The following ERH variants were observed in gnomAD, a reference collection of about 807,000 sequenced individuals.
The protein encoded by ERH is ERH mRNA splicing and mitosis factor.
In ERH, 1 loss-of-function variant was observed where a neutral mutation model predicts 16.8. The ratio of observed to expected loss-of-function variants is 0.06; its 90% CI spans 0.02 to 0.28. ERH has a LOEUF of 0.28. Among genes scored for constraint, ERH ranks in the 10% least tolerant of loss-of-function variants. The pLI, the probability that ERH is intolerant of heterozygous loss-of-function variation, is 1.00. For missense variants in ERH, 42 were observed against 127.5 expected (o/e 0.33, Z 3.23); for synonymous variants, 43 against 43.6 (o/e 0.99, Z 0.05).
At chr14:69,397,719 GACCA>G (rs1882388686) in intron 1 of ERH, among the ~76,000 whole-genome samples, 1 of 152,156 alleles carries the variant, frequency 6.6e-6, no homozygotes, top group Non-Finnish European at 1.5e-5. Flanking sequence ...AGGAGTTCGA[GACCA>G]GCCTGGCCAA....
intron 3 of ERH, 140 bp from the exon 4 acceptor site, chr14:69,380,780 C>T (rs1429406785): frequency 1.7e-6 from 1 of 584,272 alleles, no homozygotes; most frequent in Non-Finnish European, 3.1e-6. Context: ...GAAAGAGCTA[C>T]TTACACAGTC....
At chr14:69,394,757 A>T (rs2140234505) in intron 2 of ERH, 68 bp downstream of exon 2, 40 of 1,155,144 alleles carry the variant, frequency 3.5e-5, no homozygotes, top group South Asian at 5.5e-5. Context: ...AAAAAAAAAA[A>T]TTTGGAGGGG....
chr14:69,397,761 T>C (rs1882390070), intron 1 of ERH, among the ~76,000 whole-genome samples: 2 of 151,840 alleles, frequency 1.3e-5, no homozygotes, highest in African/African-American at 4.8e-5. Flanking sequence ...TCTGCTAAAA[T>C]AAAAAAATTA....
At chr14:69,397,089 T>G (rs1415418146) in intron 1 of ERH, among the ~76,000 whole-genome samples, 2 of 152,230 alleles carry the variant, frequency 1.3e-5, no homozygotes, top group Non-Finnish European at 2.9e-5. Flanking sequence ...TTATATCTAG[T>G]CTTAAAATGA....
At chr14:69,389,342 G>A (rs1594888029) in intron 2 of ERH, among the ~76,000 whole-genome samples, 1 of 152,096 alleles carries the variant, frequency 6.6e-6, no homozygotes, top group East Asian at 1.9e-4. Context: ...TATACTTAAT[G>A]GTTAAAGACG....
intron 3 of ERH, among the ~76,000 whole-genome samples, chr14:69,382,290 A>C (rs1402784029): frequency 2.0e-5 from 3 of 152,250 alleles, no homozygotes; most frequent in Non-Finnish European, 4.4e-5. Flanking sequence ...TCTAAAATTT[A>C]ATTTTTTCTG....
intron 3 of ERH, among the ~76,000 whole-genome samples, chr14:69,384,911 T>C (rs916205563): frequency 6.6e-6 from 1 of 152,064 alleles, no homozygotes; most frequent in African/African-American, 2.4e-5. Context: ...CCTCTAATGA[T>C]CTCATCTCCT....
chr14:69,382,305 C>T (rs2045867589), intron 3 of ERH, among the ~76,000 whole-genome samples: 1 of 152,148 alleles, frequency 6.6e-6, no homozygotes, highest in Non-Finnish European at 1.5e-5. Flanking sequence ...TTTCTGAAAA[C>T]TCTTTGTCCA....
At chr14:69,385,383 A>C (rs558713257) in intron 3 of ERH, among the ~76,000 whole-genome samples, 1 of 152,264 alleles carries the variant, frequency 6.6e-6, no homozygotes, top group Admixed American at 6.5e-5. Flanking sequence ...CCTGTTTCAA[A>C]TGATGTCCTT....
At chr14:69,394,219 CAAAT>C (rs918991098) in intron 2 of ERH, among the ~76,000 whole-genome samples, 3 of 150,080 alleles carry the variant, frequency 2.0e-5, no homozygotes, top group African/African-American at 7.4e-5. Flanking sequence ...TAACATGTGA[CAAAT>C]AAGAAGAGAA....
Position 69,380,527 on chromosome 14 carries a change from T to A in ERH, c.*11A>T. 10 of 1,076,030 alleles carry A rather than the reference T, an allele frequency of 9.3e-6. No homozygotes were observed. The highest frequency in any genetic ancestry group is 1.2e-5 in the South Asian group (1 of 80,396). The allele number at this position is 1,076,030 out of a possible 1,614,324, so 66.7% of individuals were successfully genotyped here. A position where few individuals can be genotyped will look rare whatever the true frequency, so the allele number is the denominator to read the frequency against. ...AAGCCCACCCCAACCCCCCCAGTGC[T>A]TCCAACACAATTATTTCCCAGCCTG... On this transcript the variant is annotated 3_prime_UTR_variant, in exon 4 of 4. Transcript: ENST00000557016.
rs746094511 is a variant in ERH, at chr14:69,398,264, C to T, written c.-31G>A. ...CAAACTCTCTTCGCTACAGCAGCTG[C>T]CGACACCGCCGCCGTTACACGAGCT... On this transcript the variant is annotated 5_prime_UTR_variant, in exon 1 of 4. Transcript: ENST00000557016. The T allele has an allele frequency of 1.9e-6, 3 of 1,612,946 alleles. No individual in the cohort carries two copies. The East Asian group carries it at 6.7e-5, about 36-fold the overall frequency.
chr14:69,394,946 C>A (rs1247667756), intron 1 of ERH, 34 bp from the exon 2 acceptor site: 1 of 1,435,558 alleles, frequency 7.0e-7, no homozygotes, highest in Non-Finnish European at 9.7e-7. Context: ...ATATAAGTTT[C>A]TATTTGAGAA....
chr14:69,387,166 T>G, intron 2 of ERH, 83 bp from the exon 3 acceptor site: 1 of 1,101,184 alleles, frequency 9.1e-7, no homozygotes, highest in Non-Finnish European at 1.3e-6. Flanking sequence ...CTGTGCTATA[T>G]GTTGATATCA....
chr14:69,390,380 A>G (rs951376359), intron 2 of ERH, among the ~76,000 whole-genome samples: 6 of 152,244 alleles, frequency 3.9e-5, no homozygotes, highest in African/African-American at 7.2e-5. Flanking sequence ...TCAATGGAAC[A>G]GAAATGAGAG....
At chr14:69,395,011 T>C in intron 1 of ERH, 99 bp from the exon 2 acceptor site, 1 of 833,632 alleles carries the variant, frequency 1.2e-6, no homozygotes, top group Non-Finnish European at 1.9e-6. Flanking sequence ...TGATTGCTAG[T>C]TATTAAAATG....
At chr14:69,397,971 G>A (rs1566902642) in intron 1 of ERH, 1 of 595,452 alleles carries the variant, frequency 1.7e-6, no homozygotes. Flanking sequence ...ACAATCGGGA[G>A]AGAGTTCATC....
chr14:69,386,098 A>G (rs2045890886), intron 3 of ERH, among the ~76,000 whole-genome samples: 1 of 152,238 alleles, frequency 6.6e-6, no homozygotes, highest in Non-Finnish European at 1.5e-5. Flanking sequence ...GTTCTGAGTG[A>G]TCAAAGTGAA....
At chr14:69,380,865 AT>A (rs553618148) in intron 3 of ERH, among the ~76,000 whole-genome samples, 1 of 152,244 alleles carries the variant, frequency 6.6e-6, no homozygotes, top group Non-Finnish European at 1.5e-5. Flanking sequence ...ATGACTTAGA[AT>A]TTTTAAGTTA....
Sources: gnomAD v4.1 joint callset for allele counts (sites outside exome capture counted in the v4.1 genomes callset) on GRCh38, gnomAD v4.1.1 for gene constraint, MANE v1.5 for transcripts, NCBI Gene and HGNC (gene_info 2026-07-23, HGNC 2026-07-21) for gene names.